Variants in TMEM135 observed in about 807,000 individuals in gnomAD.
The protein encoded by TMEM135 is peroxisomal membrane protein 52.
TMEM135 carries 30 observed loss-of-function variants against 60.3 expected under a neutral mutation model. The ratio of observed to expected loss-of-function variants is 0.50; its 90% CI spans 0.37 to 0.68. TMEM135 has a LOEUF of 0.68. Among genes scored for constraint, TMEM135 ranks in the 30% least tolerant of loss-of-function variants. The pLI, the probability that TMEM135 is intolerant of heterozygous loss-of-function variation, is 0.00. For missense variants in TMEM135, 468 were observed against 548.8 expected, an observed-to-expected ratio of 0.85 and a Z score of 1.47; for synonymous variants, 190 against 186.7, an observed-to-expected ratio of 1.02 and a Z score of -0.14.
At position 87,326,973 on chromosome 11, in the gene TMEM135, G is replaced by T. The variant is rs1307205669; in HGVS notation, c.*5640G>T. 1 of 452,178 alleles carries T rather than the reference G, an allele frequency of 2.2e-6. No homozygotes were observed. Among genetic ancestry groups the T allele is most frequent in the Non-Finnish European group, 4.4e-6 (1 of 226,514 alleles). 28.0% of individuals were successfully genotyped at this position (452,178 alleles called of 1,614,324 possible). A position where few individuals can be genotyped will look rare whatever the true frequency, so the allele number is the denominator to read the frequency against. On this transcript the variant is annotated 3_prime_UTR_variant, in exon 15 of 15. Transcript: ENST00000305494. ...TAACTTGGATTAAAATTCAAAAATG[G>T]GATTGCAGTCATTGTTAATTGCTCA... is the stretch of plus-strand genomic sequence containing the variant.
At position 87,242,846 on chromosome 11, in the gene TMEM135, C is replaced by T. The variant is rs1941170890; in HGVS notation, c.509+6162C>T. ...TAGTTTCTTTTGGTGTGCAGAAGCT[C>T]TTTAGTTTAATGAGATCCCATTTGT... On this transcript the variant is annotated intron_variant, in intron 6 of 14. Coordinates refer to ENST00000305494, the MANE Select transcript of TMEM135 (RefSeq NM_022918.4). Among the ~76,000 whole-genome samples, 9 of 147,832 alleles carry T rather than the reference C, an allele frequency of 6.1e-5. No individual in the cohort carries two copies. In the South Asian group the frequency reaches 2.0e-3, roughly 32 times the overall value.
rs992362314 is a variant in TMEM135, at chr11:87,323,708, T to TA, written c.*2379dup. ...ATTTCGTTGCTATTTTCTGTTTTAA[T>TA]AAAATCCTAGAACTAGTAGCAACCG... On this transcript the variant is annotated 3_prime_UTR_variant, in exon 15 of 15. Transcript: ENST00000305494. 9.9e-5 allele frequency: 45 copies of TA among 453,092 alleles called. No homozygotes were observed. The highest frequency in any genetic ancestry group is 1.9e-4 in the Non-Finnish European group (42 of 226,582). 28.1% of individuals were successfully genotyped at this position (453,092 alleles called of 1,614,324 possible).
At chr11:87,042,126 A>G (rs559920381) in intron 1 of TMEM135, among the ~76,000 whole-genome samples, 30 of 152,376 alleles carry the variant, frequency 2.0e-4, no homozygotes, top group African/African-American at 7.2e-4. Flanking sequence ...AAGACCCAAA[A>G]ATACAGGGGA....
intron 4 of TMEM135, among the ~76,000 whole-genome samples, chr11:87,101,217 T>G (rs1220572455): frequency 6.6e-6 from 1 of 152,202 alleles, no homozygotes; most frequent in Non-Finnish European, 1.5e-5. Context: ...AAAATTTTCC[T>G]GGGGCTAGTA....
intron 4 of TMEM135, among the ~76,000 whole-genome samples, chr11:87,104,488 A>C (rs905165333): frequency 1.3e-5 from 2 of 152,190 alleles, no homozygotes; most frequent in Admixed American, 6.5e-5. Context: ...TTGGAATTTC[A>C]GTAAGGATTG....
intron 5 of TMEM135, among the ~76,000 whole-genome samples, chr11:87,176,403 A>C (rs539597477): frequency 6.6e-6 from 1 of 152,234 alleles, no homozygotes; most frequent in African/African-American, 2.4e-5. Context: ...CTGCAGAACC[A>C]TGAGCCAAAT....
chr11:87,151,942 ATCTTC>A (rs1938565493), intron 4 of TMEM135, among the ~76,000 whole-genome samples: 3 of 152,256 alleles, frequency 2.0e-5, no homozygotes, highest in African/African-American at 7.2e-5. Flanking sequence ...CCTTTAGGGA[ATCTTC>A]TCTTAGTATG....
intron 2 of TMEM135, among the ~76,000 whole-genome samples, chr11:87,068,163 A>G (rs2445586): frequency 0.23 from 34,246 of 152,138 alleles, 4,410 homozygotes; most frequent in East Asian, 0.53. Context: ...TGTCTATGAC[A>G]TGGGTTAGGG....
chr11:87,216,882 A>G (rs1940514312), intron 5 of TMEM135, among the ~76,000 whole-genome samples: 1 of 152,218 alleles, frequency 6.6e-6, no homozygotes, highest in Non-Finnish European at 1.5e-5. Flanking sequence ...TAGAGCATCA[A>G]TTACACAAGA....
rs1459180289 is a variant in TMEM135, at chr11:87,322,080, A to G, written c.*747A>G. ...GACACATCCGATAAAGTTGAAATGTATGTTTTAATCTTTCACAGAAGTATT... is the reference window on the plus strand; with the variant it reads ...GACACATCCGATAAAGTTGAAATGTGTGTTTTAATCTTTCACAGAAGTATT... On this transcript the variant is annotated 3_prime_UTR_variant, in exon 15 of 15. Coordinates refer to ENST00000305494, the MANE Select transcript of TMEM135 (RefSeq NM_022918.4). The G allele has an allele frequency of 6.6e-6, 3 of 454,432 alleles. No homozygotes were observed. Among genetic ancestry groups the G allele is most frequent in the Middle Eastern group, 6.9e-4 (1 of 1,442 alleles). 28.1% of individuals were successfully genotyped at this position (454,432 alleles called of 1,614,324 possible).
intron 5 of TMEM135, among the ~76,000 whole-genome samples, chr11:87,218,645 G>A (rs2135351144): frequency 6.6e-6 from 1 of 152,268 alleles, no homozygotes; most frequent in Middle Eastern, 3.4e-3. Flanking sequence ...ATGATTCCAA[G>A]CCGTCAACTC....
At chr11:87,167,335 A>G (rs1939082601) in intron 5 of TMEM135, among the ~76,000 whole-genome samples, 2 of 152,164 alleles carry the variant, frequency 1.3e-5, no homozygotes, top group South Asian at 4.1e-4. Flanking sequence ...AGAACTTCCA[A>G]TACTATGTTG....
At chr11:87,178,939 T>C (rs140961936) in intron 5 of TMEM135, among the ~76,000 whole-genome samples, 1 of 151,646 alleles carries the variant, frequency 6.6e-6, no homozygotes, top group Non-Finnish European at 1.5e-5. Context: ...TGTAGAATTG[T>C]TAGGTCATAA....
chr11:87,321,053 T>C lies in TMEM135; in HGVS notation c.1245-148T>C, dbSNP rs139960427. On this transcript the variant is annotated intron_variant, in intron 14 of 14. Transcript: ENST00000305494. ...AGTGTATCTCGAAGAAGAGCCTTCA[T>C]GTGACTTGAATCTGCCATTGAATTT... 4 of 644,272 alleles carry C rather than the reference T, an allele frequency of 6.2e-6. No homozygotes were observed. The East Asian group carries it at 8.3e-5, about 13-fold the overall frequency. 39.9% of individuals were successfully genotyped at this position (644,272 alleles called of 1,614,324 possible). A position where few individuals can be genotyped will look rare whatever the true frequency, so the allele number is the denominator to read the frequency against.
chr11:87,207,198 G>T (rs1940254138), intron 5 of TMEM135, among the ~76,000 whole-genome samples: 2 of 152,174 alleles, frequency 1.3e-5, no homozygotes, highest in Non-Finnish European at 2.9e-5. Flanking sequence ...TTTTACATTG[G>T]AGCTTTGGGC....
chr11:87,271,015 C>T (rs577411058), intron 6 of TMEM135, among the ~76,000 whole-genome samples: 39 of 151,918 alleles, frequency 2.6e-4, no homozygotes, highest in African/African-American at 8.0e-4. Context: ...TGAAGGAACA[C>T]CCGAATAAAT....
chr11:87,263,729 A>G (rs1941696013), intron 6 of TMEM135, among the ~76,000 whole-genome samples: 2 of 152,014 alleles, frequency 1.3e-5, no homozygotes, highest in Admixed American at 1.3e-4. Context: ...AGCATTGTCT[A>G]TTTTCTGGTG....
intron 6 of TMEM135, among the ~76,000 whole-genome samples, chr11:87,247,701 T>C (rs555087076): frequency 6.6e-6 from 1 of 152,182 alleles, no homozygotes; most frequent in African/African-American, 2.4e-5. Flanking sequence ...TTTTTAAGCC[T>C]GTCGGAAAAG....
chr11:87,202,043 T>C (rs1293243122), intron 5 of TMEM135, among the ~76,000 whole-genome samples: 1 of 151,810 alleles, frequency 6.6e-6, no homozygotes, highest in Non-Finnish European at 1.5e-5. Context: ...TTATGTTATG[T>C]TATATGAAGT....
Sources: allele counts gnomAD v4.1 joint callset (sites outside exome capture counted in the v4.1 genomes callset), GRCh38; gene constraint gnomAD v4.1.1; transcripts MANE v1.5; gene names NCBI Gene and HGNC (gene_info 2026-07-23, HGNC 2026-07-21).